The following VRK2 variants were observed in gnomAD, a reference collection of about 807,000 sequenced individuals.
VRK2 encodes serine/threonine-protein kinase VRK2.
VRK2 carries 60 observed loss-of-function variants against 57.6 expected under a neutral mutation model. The ratio of observed to expected loss-of-function variants is 1.04; its 90% CI spans 0.85 to 1.29. The LOEUF (loss-of-function observed/expected upper bound fraction) is 1.29, where lower values mean the gene tolerates loss of function less well. Ranked by LOEUF, VRK2 falls within the 50% of genes most tolerant of loss-of-function variation. The pLI is 0.00. For synonymous variants in VRK2, 231 were observed against 199.2 expected, an observed-to-expected ratio of 1.16 and a Z score of -1.35; for missense variants, 705 against 588.1, an observed-to-expected ratio of 1.20 and a Z score of -2.06.
At chr2:58,135,284 C>A in intron 10 of VRK2, 85 bp downstream of exon 10, 1 of 1,440,582 alleles carries the variant, frequency 6.9e-7, no homozygotes, top group Non-Finnish European at 9.8e-7. Flanking sequence ...TTTGCTTAAC[C>A]CACTTGCTCC....
chr2:58,010,841 T>C (rs1311819680), intron 1 of VRK2, among the ~76,000 whole-genome samples: 1 of 152,240 alleles, frequency 6.6e-6, no homozygotes, highest in African/African-American at 2.4e-5. Flanking sequence ...GGGAATTTTC[T>C]ATATATGTTT....
At chr2:57,975,172 G>GA (rs1218832793) in intron 1 of VRK2, among the ~76,000 whole-genome samples, 1 of 151,390 alleles carries the variant, frequency 6.6e-6, no homozygotes. Flanking sequence ...TAATCACAAT[G>GA]AAAAAAAATA....
At chr2:58,154,725 C>T (rs755384406) in intron 12 of VRK2, 1 of 717,038 alleles carries the variant, frequency 1.4e-6, no homozygotes, top group South Asian at 1.5e-5. Flanking sequence ...TCATCTTGAT[C>T]TTGGTGTATT....
At chr2:58,005,380 G>T (rs1208581231) in intron 1 of VRK2, among the ~76,000 whole-genome samples, 1 of 152,040 alleles carries the variant, frequency 6.6e-6, no homozygotes, top group African/African-American at 2.4e-5. Context: ...AGATTAAAAT[G>T]AAAATTTCTT....
intron 10 of VRK2, among the ~76,000 whole-genome samples, chr2:58,137,202 C>CATATATGATACATATATCATATA (rs1680549626): frequency 1.5e-4 from 4 of 27,330 alleles, no homozygotes; most frequent in African/African-American, 5.2e-4. Context: ...ACATATATAT[C>CATATATGATACATATATCATATA]TCATATATGA....
At chr2:57,942,822 A>C (rs1486122858) in intron 1 of VRK2, among the ~76,000 whole-genome samples, 1 of 152,206 alleles carries the variant, frequency 6.6e-6, no homozygotes, top group African/African-American at 2.4e-5. Flanking sequence ...GTTTACAGTC[A>C]ACCGATGCAG....
chr2:58,024,028 G>C (rs1205144795), intron 1 of VRK2, among the ~76,000 whole-genome samples: 1 of 150,646 alleles, frequency 6.6e-6, no homozygotes, highest in African/African-American at 2.5e-5. Flanking sequence ...GCCCAGGCTG[G>C]AGTGCAGTGA....
chr2:58,136,551 C>A (rs1485060547), intron 10 of VRK2, among the ~76,000 whole-genome samples: 1 of 151,522 alleles, frequency 6.6e-6, no homozygotes, highest in Non-Finnish European at 1.5e-5. Context: ...TGCCCAGCTA[C>A]TTTTTGTATT....
At chr2:58,132,125 T>A in intron 9 of VRK2, 197 bp downstream of exon 9, 2 of 577,544 alleles carry the variant, frequency 3.5e-6, no homozygotes, top group Non-Finnish European at 5.7e-6. Context: ...TAAAAAGACA[T>A]GTATTTGAAT....
intron 8 of VRK2, among the ~76,000 whole-genome samples, chr2:58,128,989 A>G (rs1056196853): frequency 2.6e-5 from 4 of 152,166 alleles, no homozygotes; most frequent in African/African-American, 9.7e-5. Flanking sequence ...TACTTTGGCA[A>G]TACTTTATAA....
At chr2:58,131,742 A>G in intron 8 of VRK2, 66 bp from the exon 9 acceptor site, 1 of 1,489,102 alleles carries the variant, frequency 6.7e-7, no homozygotes, top group Non-Finnish European at 8.9e-7. Context: ...AGTTCAACCA[A>G]AGATTTCTCC....
chr2:58,089,694 C>A lies in VRK2; in HGVS notation c.514C>A (p.Leu172Ile). ...TCATGGTGATATAAAAGCAGCAAAT[C>A]TACTTTTGGGTTACAAAAATCCAGA... is the stretch of plus-strand genomic sequence containing the variant. The part of the protein sequence containing the change: ...YVHGDIKAAN[L>I]LLGYKNPDQV... Residue 172 changes from leucine to isoleucine, a missense_variant, in exon 7 of 13, where the codon CTA (leucine) becomes ATA (isoleucine). Coordinates refer to ENST00000340157, the MANE Select transcript of VRK2 (RefSeq NM_006296.7). 1 of 1,608,984 alleles carries A rather than the reference C, an allele frequency of 6.2e-7. No homozygotes were observed. Among genetic ancestry groups the A allele is most frequent in the Non-Finnish European group, 8.5e-7 (1 of 1,176,686 alleles).
intron 1 of VRK2, among the ~76,000 whole-genome samples, chr2:57,971,695 A>G (rs903758341): frequency 4.0e-5 from 6 of 151,800 alleles, no homozygotes; most frequent in African/African-American, 1.2e-4. Flanking sequence ...ATTAATGCCT[A>G]TATCCATTTA....
At chr2:58,148,603 A>G (rs775554813) in intron 12 of VRK2, among the ~76,000 whole-genome samples, 15 of 151,726 alleles carry the variant, frequency 9.9e-5, no homozygotes, top group Non-Finnish European at 1.9e-4. Flanking sequence ...GCCTACCTCA[A>G]GGTCACAAAG....
At chr2:58,098,318 A>G (rs1673458948) in intron 7 of VRK2, among the ~76,000 whole-genome samples, 1 of 152,072 alleles carries the variant, frequency 6.6e-6, no homozygotes, top group African/African-American at 2.4e-5. Context: ...AAAAACTGTA[A>G]ACACATTTAA....
intron 1 of VRK2, among the ~76,000 whole-genome samples, chr2:57,967,476 C>G (rs1572915948): frequency 6.6e-6 from 1 of 151,768 alleles, no homozygotes; most frequent in African/African-American, 2.4e-5. Context: ...TTTTAACATT[C>G]AGTACTAATT....
intron 1 of VRK2, among the ~76,000 whole-genome samples, chr2:57,967,590 C>A (rs749017102): frequency 7.9e-5 from 12 of 152,030 alleles, no homozygotes; most frequent in Non-Finnish European, 1.8e-4. Context: ...AAAAATCTTG[C>A]GTGAGGCAGT....
chr2:58,077,584 GC>G (rs1670292269), intron 2 of VRK2, among the ~76,000 whole-genome samples: 3 of 151,708 alleles, frequency 2.0e-5, no homozygotes, highest in South Asian at 2.1e-4. Context: ...GTGTCATCTG[GC>G]CCCCAAAAGT....
intron 1 of VRK2, among the ~76,000 whole-genome samples, chr2:57,945,907 T>C (rs576143300): frequency 3.9e-4 from 59 of 152,298 alleles, no homozygotes; most frequent in African/African-American, 1.3e-3. Context: ...TACAAGTTAT[T>C]ATAATGAATG....
Sources: allele counts gnomAD v4.1 joint callset (sites outside exome capture counted in the v4.1 genomes callset), GRCh38; gene constraint gnomAD v4.1.1; transcripts MANE v1.5; gene names NCBI Gene and HGNC (gene_info 2026-07-23, HGNC 2026-07-21).